ANO3: variants seen among roughly 807,000 people sequenced by gnomAD.
ANO3 encodes the protein anoctamin 3, also known as anoctamin-3.
ANO3 carries 99 observed loss-of-function variants against 144.8 expected under a neutral mutation model. The observed-to-expected ratio is 0.68, with a 90% CI of 0.58 to 0.81. The LOEUF is 0.81. Among genes scored for constraint, ANO3 ranks in the 30% least tolerant of loss-of-function variants. The pLI, the probability that ANO3 is intolerant of heterozygous loss-of-function variation, is 0.00. For missense variants in ANO3, 905 were observed against 1,202.2 expected (o/e 0.75, Z 3.66); for synonymous variants, 414 against 392.6 (o/e 1.05, Z -0.64).
chr11:26,631,671 A>AT (rs1460742174), intron 18 of ANO3, among the ~76,000 whole-genome samples: 1 of 152,184 alleles, frequency 6.6e-6, no homozygotes, highest in Non-Finnish European at 1.5e-5. Context: ...GTAAAAGCAC[A>AT]TATATCAAGA....
chr11:26,277,560 A>G (rs921329330), intron 1 of ANO3, among the ~76,000 whole-genome samples: 2 of 152,014 alleles, frequency 1.3e-5, no homozygotes, highest in African/African-American at 4.8e-5. Flanking sequence ...CTTCATTTTG[A>G]ATCCTGAGAT....
chr11:26,640,919 A>C (rs1853128009), intron 21 of ANO3, among the ~76,000 whole-genome samples: 2 of 152,052 alleles, frequency 1.3e-5, no homozygotes, highest in South Asian at 4.1e-4. Flanking sequence ...CCCCTTTTTC[A>C]CCTTCATGAG....
intron 1 of ANO3, among the ~76,000 whole-genome samples, chr11:26,392,952 A>G (rs957412242): frequency 3.3e-5 from 5 of 152,098 alleles, no homozygotes; most frequent in Admixed American, 3.3e-4. Context: ...AAGCACGTGA[A>G]AATGCTTTGT....
intron 1 of ANO3, among the ~76,000 whole-genome samples, chr11:26,290,273 T>C (rs1304504968): frequency 6.6e-6 from 1 of 152,188 alleles, no homozygotes; most frequent in East Asian, 1.9e-4. Context: ...TTATCATTTT[T>C]TATCGCATCT....
intron 1 of ANO3, among the ~76,000 whole-genome samples, chr11:26,339,839 G>T (rs190305553): frequency 6.6e-6 from 1 of 152,054 alleles, no homozygotes; most frequent in African/African-American, 2.4e-5. Flanking sequence ...CTGGCTGTCC[G>T]TTTGGTTATT....
rs11029533 is a variant in ANO3, at chr11:26,358,450, A to G, written c.46+26129A>G. Among the ~76,000 whole-genome samples the G allele has an allele frequency of 8.5e-4, 130 of 152,302 alleles. 3 individuals are homozygous for G. In the East Asian group the frequency reaches 0.023, roughly 27 times the overall value. On this transcript the variant is annotated intron_variant, in intron 1 of 26. Coordinates refer to ENST00000256737, the MANE Select transcript of ANO3 (RefSeq NM_031418.4). Reference sequence around the variant, plus strand: ...CTCCCAACGTGCTGGGATGACAGGCATAAGCCACCGCGCCCGGCCACAATT... The same window carrying G: ...CTCCCAACGTGCTGGGATGACAGGCGTAAGCCACCGCGCCCGGCCACAATT...
intron 1 of ANO3, among the ~76,000 whole-genome samples, chr11:26,236,134 T>C (rs1159234682): frequency 6.6e-6 from 1 of 152,204 alleles, no homozygotes; most frequent in Admixed American, 6.5e-5. Context: ...ATGTGCATCA[T>C]AGTTTATTAA....
At chr11:26,556,700 A>G (rs1161332324) in intron 13 of ANO3, among the ~76,000 whole-genome samples, 1 of 151,598 alleles carries the variant, frequency 6.6e-6, no homozygotes, top group Non-Finnish European at 1.5e-5. Flanking sequence ...GCTTCTGCCC[A>G]GGTCCAGCAA....
chr11:26,565,859 T>C, intron 14 of ANO3: 2 of 1,600,128 alleles, frequency 1.2e-6, no homozygotes, highest in East Asian at 2.2e-5. Flanking sequence ...AGGCCAACAT[T>C]GTAGGCTTCT....
At chr11:26,307,517 A>G (rs1359378172), upstream of ANO3, among the ~76,000 whole-genome samples, 1 of 151,988 alleles carries the variant, frequency 6.6e-6, no homozygotes, top group Non-Finnish European at 1.5e-5. Flanking sequence ...CCTGGCCAAT[A>G]TGGTGAAATG....
intron 21 of ANO3, among the ~76,000 whole-genome samples, chr11:26,640,895 A>C (rs886835991): frequency 4.6e-5 from 7 of 151,992 alleles, no homozygotes; most frequent in African/African-American, 1.7e-4. Flanking sequence ...GATCGCCTCA[A>C]CTCTCACCTC....
At chr11:26,330,591 T>C (rs16915480), upstream of ANO3, among the ~76,000 whole-genome samples, 1,739 of 152,298 alleles carry the variant, frequency 0.011, 85 homozygotes, top group East Asian at 0.079. Context: ...CAGATGACTT[T>C]AAGACCAGTT....
At chr11:26,466,825 C>T (rs766777410) in intron 4 of ANO3, among the ~76,000 whole-genome samples, 5 of 151,932 alleles carry the variant, frequency 3.3e-5, no homozygotes, top group African/African-American at 4.8e-5. Context: ...AAGAATAACA[C>T]ATTGGCTAAT....
chr11:26,278,530 A>G (rs57678010), intron 1 of ANO3, among the ~76,000 whole-genome samples: 6,549 of 152,086 alleles, frequency 0.043, 213 homozygotes, highest in African/African-American at 0.092. Context: ...TTTACTGTTT[A>G]TTGTCACTCA....
At position 26,323,361 on chromosome 11, in the gene ANO3, C is replaced by CA. The variant is rs1854806137; in HGVS notation, c.-3+13643dup. Among the ~76,000 whole-genome samples, 5 of 152,208 alleles carry CA rather than the reference C, an allele frequency of 3.3e-5. No individual in the cohort carries two copies. In the South Asian group the frequency reaches 1.0e-3, roughly 32 times the overall value. On this transcript the variant is annotated intron_variant, in intron 1 of 26. Transcript: ENST00000525139. ...TGGCAGTTTTGTTTTACTGTGTATG[C>CA]ATTTTGATCTGTCTGATTTCCCTAT...
At chr11:26,417,147 T>C (rs1230120392) in intron 1 of ANO3, among the ~76,000 whole-genome samples, 3 of 152,116 alleles carry the variant, frequency 2.0e-5, no homozygotes, top group Non-Finnish European at 4.4e-5. Context: ...ATGAATCCAA[T>C]GATATGTTAT....
intron 1 of ANO3, among the ~76,000 whole-genome samples, chr11:26,407,016 A>G (rs149716473): frequency 1.3e-4 from 18 of 139,880 alleles, no homozygotes; most frequent in Non-Finnish European, 1.8e-4. Flanking sequence ...AGGTGTGTAT[A>G]TATATATAGG....
intron 1 of ANO3, among the ~76,000 whole-genome samples, chr11:26,193,554 G>C (rs1053555232): frequency 6.6e-6 from 1 of 151,952 alleles, no homozygotes; most frequent in African/African-American, 2.4e-5. Context: ...CTTTTTCCTA[G>C]TCTATAATTT....
chr11:26,206,215 A>G (rs539472806), intron 1 of ANO3, among the ~76,000 whole-genome samples: 1 of 152,306 alleles, frequency 6.6e-6, no homozygotes, highest in Non-Finnish European at 1.5e-5. Flanking sequence ...AATTTTACAT[A>G]TGTGTGTAGC....
Sources: allele counts gnomAD v4.1 joint callset (sites outside exome capture counted in the v4.1 genomes callset), GRCh38; gene constraint gnomAD v4.1.1; transcripts MANE v1.5; gene names NCBI Gene and HGNC (gene_info 2026-07-23, HGNC 2026-07-21).